The following PPP1R15A variants were observed in gnomAD, a reference collection of about 807,000 sequenced individuals.
The protein encoded by PPP1R15A is protein phosphatase 1 regulatory subunit 15A.
Under a neutral mutation model 48.5 loss-of-function variants are expected in PPP1R15A, and 43 were observed. The ratio of observed to expected loss-of-function variants is 0.89; its 90% CI spans 0.69 to 1.14. The LOEUF (loss-of-function observed/expected upper bound fraction) is 1.14. Ranked by LOEUF, PPP1R15A falls within the 50% of genes most tolerant of loss-of-function variation. The pLI is 0.00. For synonymous variants in PPP1R15A, 327 were observed against 327.4 expected, an observed-to-expected ratio of 1.00 and a Z score of 0.01; for missense variants, 868 against 847.2, an observed-to-expected ratio of 1.02 and a Z score of -0.30.
At position 48,873,904 on chromosome 19, in the gene PPP1R15A, C is replaced by T; in HGVS notation, c.671C>T (p.Pro224Leu). Residue 224 changes from proline (P) to leucine (L), a missense_variant, in exon 2 of 3, where the codon CCA becomes CTA. Coordinates refer to ENST00000200453, the MANE Select transcript of PPP1R15A (RefSeq NM_014330.5). ...GSKPSTWVSC[P>L]GEEENQATED... ...AAGCCCAGCACTTGGGTGTCTTGCC[C>T]AGGGGAGGAAGAGAATCAAGCCACG... 1 of 1,614,162 alleles carries T rather than the reference C, an allele frequency of 6.2e-7. No individual in the cohort carries two copies. Among genetic ancestry groups the T allele is most frequent in the Non-Finnish European group, 8.5e-7 (1 of 1,180,042 alleles).
rs754168098 is a variant in PPP1R15A, at chr19:48,874,790, G to A, written c.1557G>A (p.Pro519=). The change falls in exon 2 of 3, where the codon CCG becomes CCA. Residue 519 remains proline (P), a synonymous_variant. Coordinates refer to ENST00000200453, the MANE Select transcript of PPP1R15A (RefSeq NM_014330.5). ...TCTATGTACCTGGAGAGAAGCCACC[G>A]CCTCCCTGGGCTCCTCCTAGGCTGC... The part of the protein sequence containing the change: ...VAIYVPGEKP[P]PPWAPPRLPL... The A allele has an allele frequency of 2.0e-5, 33 of 1,613,880 alleles. No individual in the cohort carries two copies. Among genetic ancestry groups the A allele is most frequent in the Admixed American group, 8.3e-5 (5 of 59,964 alleles).
At position 48,874,295 on chromosome 19, in the gene PPP1R15A, A is replaced by C. The variant is rs1214618956; in HGVS notation, c.1062A>C (p.Glu354Asp). ...YWPGEDTEEE[E>D]DEEEDEDSDS... The stretch of plus-strand genomic sequence containing the variant: ...CAGGAGAGGACACAGAGGAAGAGGA[A>C]GATGAGGAAGAAGATGAGGACAGTG... Residue 354 changes from glutamate (E) to aspartate (D), a missense_variant, in exon 2 of 3, where the codon GAA becomes GAC. Coordinates refer to ENST00000200453, the MANE Select transcript of PPP1R15A (RefSeq NM_014330.5). The C allele has an allele frequency of 1.2e-6, 2 of 1,613,934 alleles. No individual in the cohort carries two copies. The highest frequency in any genetic ancestry group is 1.7e-6 in the Non-Finnish European group (2 of 1,179,922).
chr19:48,872,838 G>A (rs138534953), intron 1 of PPP1R15A, among the ~76,000 whole-genome samples, 187 bp downstream of exon 1: 1 of 152,178 alleles, frequency 6.6e-6, no homozygotes, highest in South Asian at 2.1e-4. Context: ...CAGTCTGCGA[G>A]GGAGGAGGGT....
In PPP1R15A at chr19:48,875,471, C is replaced by T; in HGVS notation, c.1666-143C>T. On this transcript the variant is annotated intron_variant, in intron 2 of 2. Coordinates refer to ENST00000200453, the MANE Select transcript of PPP1R15A (RefSeq NM_014330.5). The stretch of plus-strand genomic sequence containing the variant: ...TAGATAGAGAATCCCGTGACAGTGA[C>T]AGGCAAGTGACTAGCCAGATAGAAA... The T allele has an allele frequency of 2.7e-6, 3 of 1,114,050 alleles. No individual in the cohort carries two copies. The Admixed American group carries it at 8.2e-5, about 31-fold the overall frequency. 69.0% of individuals were successfully genotyped at this position (1,114,050 alleles called of 1,614,324 possible).
rs763211405 is a variant in PPP1R15A, at chr19:48,875,979, A to G, written c.*6A>G. 7.7e-6 allele frequency: 12 copies of G among 1,559,670 alleles called. No homozygotes were observed. In the East Asian group the frequency reaches 2.5e-4, roughly 32 times the overall value. On this transcript the variant is annotated 3_prime_UTR_variant, in exon 3 of 3. Transcript: ENST00000200453. ...TCAGTGGGAGGCGTGGCTGAGACCAACTGGTTTGCCTATAATTTATTAACT... is the reference window on the plus strand; with the variant it reads ...TCAGTGGGAGGCGTGGCTGAGACCAGCTGGTTTGCCTATAATTTATTAACT...
At chr19:48,872,780 C>T (rs915564434) in intron 1 of PPP1R15A, 129 bp downstream of exon 1, 2 of 276,452 alleles carry the variant, frequency 7.2e-6, no homozygotes, top group Non-Finnish European at 1.5e-5. Context: ...TTCTTGGGTC[C>T]CCCGTGAAGG....
chr19:48,874,981 A>G, intron 2 of PPP1R15A, 83 bp downstream of exon 2: 1 of 1,404,332 alleles, frequency 7.1e-7, no homozygotes, highest in South Asian at 1.6e-5. Flanking sequence ...GCTGGAGTGC[A>G]GCGGCATGAT....
intron 1 of PPP1R15A, among the ~76,000 whole-genome samples, chr19:48,872,934 T>C (rs1263939049): frequency 1.3e-5 from 2 of 152,074 alleles, no homozygotes; most frequent in African/African-American, 4.8e-5. Flanking sequence ...TAAAGACTTT[T>C]GTTCTTGGTT....
At chr19:48,875,093 AT>A in intron 2 of PPP1R15A, 195 bp downstream of exon 2, 64 of 613,590 alleles carry the variant, frequency 1.0e-4, no homozygotes, top group South Asian at 2.8e-4. Flanking sequence ...CACCCAGCTA[AT>A]TTTTTTTGTA....
In PPP1R15A at chr19:48,874,566, G is replaced by A; in HGVS notation, c.1333G>A (p.Asp445Asn). Residue 445 changes from aspartate (D) to asparagine (N), a missense_variant, in exon 2 of 3, where the codon GAT becomes AAT. By Grantham distance (23) the Asp-to-Asn change is conservative (BLOSUM62 1). Transcript: ENST00000200453. The part of the protein sequence containing the change: ...RPGEDTEEEE[D>N]EDVDSEDKED... The stretch of plus-strand genomic sequence containing the variant: ...AGGAGAGGACACGGAGGAGGAGGAA[G>A]ATGAGGATGTGGATAGTGAGGATAA... 13 of 1,614,194 alleles carry A rather than the reference G, an allele frequency of 8.1e-6. No homozygotes were observed. The highest frequency in any genetic ancestry group is 1.1e-5 in the Non-Finnish European group (13 of 1,180,028).
In PPP1R15A at chr19:48,872,447, T is replaced by C. The variant is rs1313892996; in HGVS notation, c.-214T>C. 2.2e-6 allele frequency: 1 copy of C among 456,398 alleles called. No homozygotes were observed. The highest frequency in any genetic ancestry group is 2.0e-5 in the African/African-American group (1 of 50,070). 28.3% of individuals were successfully genotyped at this position (456,398 alleles called of 1,614,324 possible). On this transcript the variant is annotated 5_prime_UTR_variant, in exon 1 of 3. Coordinates refer to ENST00000200453, the MANE Select transcript of PPP1R15A (RefSeq NM_014330.5). ...CTCTTATCGGTTCCCATCCCAGTTG[T>C]TGATCTTATGCAAGACGCTGCACGA...
chr19:48,875,061 GGATTAC>G, intron 2 of PPP1R15A, 163 bp downstream of exon 2: 2 of 859,454 alleles, frequency 2.3e-6, no homozygotes, highest in Non-Finnish European at 3.3e-6. Flanking sequence ...AGAGTATCTG[GGATTAC>G]AGGCGCATGA....
In PPP1R15A at chr19:48,874,612, C is replaced by A; in HGVS notation, c.1379C>A (p.Ala460Asp). 1.2e-6 allele frequency: 2 copies of A among 1,614,094 alleles called. No homozygotes were observed. The highest frequency in any genetic ancestry group is 1.7e-6 in the Non-Finnish European group (2 of 1,180,004). Residue 460 changes from alanine to aspartate, a missense_variant, in exon 2 of 3, where the codon GCC becomes GAC. Physicochemically the swap from Ala to Asp is moderately radical, Grantham distance 126. Transcript: ENST00000200453. ...GATAAGGAAGATGATTCAGAAGCAG[C>A]CTTGGGAGAAGCTGAGTCAGACCCA... ...SEDKEDDSEA[A>D]LGEAESDPHP... is the part of the protein sequence containing the mutation.
chr19:48,872,705 AG>A, intron 1 of PPP1R15A, 54 bp downstream of exon 1: 1 of 330,528 alleles, frequency 3.0e-6, no homozygotes, highest in South Asian at 2.2e-5. Flanking sequence ...GCCCGGATTT[AG>A]AAAGGAGAAG....
chr19:48,873,154 A>T (rs920075183), intron 1 of PPP1R15A, 71 bp from the exon 2 acceptor site: 1 of 1,414,088 alleles, frequency 7.1e-7, no homozygotes, highest in Non-Finnish European at 9.2e-7. Flanking sequence ...CGTTGCTATG[A>T]CTCATAGTCA....
rs1362873214 is a variant in PPP1R15A at position 48,874,197 on chromosome 19, A to G, written c.964A>G (p.Lys322Glu). 1 of 1,614,162 alleles carries G rather than the reference A, an allele frequency of 6.2e-7. No individual in the cohort carries two copies. The highest frequency in any genetic ancestry group is 8.5e-7 in the Non-Finnish European group (1 of 1,180,036). ...GGTCAAGGCTTTGGGGGCAGCTGAG[A>G]AGGATGGAGAAGCTGAGTGTCCTCC... ...GEVKALGAAE[K>E]DGEAECPPCI... Residue 322 changes from lysine (K) to glutamate (E), a missense_variant, in exon 2 of 3, where the codon AAG (lysine) becomes GAG (glutamate). Coordinates refer to ENST00000200453, the MANE Select transcript of PPP1R15A (RefSeq NM_014330.5).
rs922694703 is a variant in PPP1R15A at position 48,872,594 on chromosome 19, G to A, written c.-67G>A. On this transcript the variant is annotated 5_prime_UTR_variant, in exon 1 of 3. Transcript: ENST00000200453. ...TCCCTAACCGTCCGGACCTGTGATC[G>A]CTTCTGGCAGACCGAACCGGCGCTC... 15 of 418,746 alleles carry A rather than the reference G, an allele frequency of 3.6e-5. No homozygotes were observed. Among genetic ancestry groups the A allele is most frequent in the Middle Eastern group, 3.6e-4 (1 of 2,786 alleles). The allele number at this position is 418,746 out of a possible 1,614,324, so 25.9% of individuals were successfully genotyped here. A position where few individuals can be genotyped will look rare whatever the true frequency, so the allele number is the denominator to read the frequency against.
In PPP1R15A at chr19:48,874,087, C is replaced by T. The variant is rs1355671461; in HGVS notation, c.854C>T (p.Ala285Val). 1 of 1,614,024 alleles carries T rather than the reference C, an allele frequency of 6.2e-7. No homozygotes were observed. Among genetic ancestry groups the T allele is most frequent in the Non-Finnish European group, 8.5e-7 (1 of 1,180,018 alleles). The change falls in exon 2 of 3, where the codon GCC becomes GTC. Residue 285 changes from alanine to valine, a missense_variant. Ala to Val is a moderately conservative substitution (Grantham distance 64). Transcript: ENST00000200453. The stretch of plus-strand genomic sequence containing the variant: ...AAAGAAACTGGGAAAGGAGAAGCTG[C>T]CCCAGGGCCGCAATCCTCAGCCCCA... ...AHKETGKGEA[A>V]PGPQSSAPAQ...
At chr19:48,872,952 C>T (rs747235824) in intron 1 of PPP1R15A, among the ~76,000 whole-genome samples, 12 of 152,006 alleles carry the variant, frequency 7.9e-5, no homozygotes, top group Non-Finnish European at 1.8e-4. Flanking sequence ...GTTCTTGGGA[C>T]TGGGAGTTCT....
Sources: gnomAD v4.1 joint callset for allele counts (sites outside exome capture counted in the v4.1 genomes callset) on GRCh38, gnomAD v4.1.1 for gene constraint, MANE v1.5 for transcripts, NCBI Gene and HGNC (gene_info 2026-07-23, HGNC 2026-07-21) for gene names.